The following MAOA variants were observed in gnomAD, a reference collection of about 807,000 sequenced individuals.
MAOA encodes the protein monoamine oxidase A, also known as amine oxidase [flavin-containing] A.
Under a neutral mutation model 42.0 loss-of-function variants are expected in MAOA, and 6 were observed. The observed-to-expected ratio is 0.14, with a 90% confidence interval of 0.08 to 0.28. MAOA has a LOEUF of 0.28. Among genes scored for constraint, MAOA ranks in the 10% least tolerant of loss-of-function variants. The pLI is 1.00. For missense variants in MAOA, 262 were observed against 422.3 expected, an observed-to-expected ratio of 0.62 and a Z score of 3.33; for synonymous variants, 140 against 154.0, an observed-to-expected ratio of 0.91 and a Z score of 0.67.
intron 3 of MAOA, among the ~76,000 whole-genome samples, chrX:43,700,907 A>G (rs939836058): frequency 1.8e-5 from 2 of 111,864 alleles, no homozygotes; most frequent in African/African-American, 6.5e-5. Context: ...AAACAAAACA[A>G]AACAAAAACA....
Position 43,736,287 on chromosome X carries a change from A to G in MAOA, c.1106+7A>G, listed in dbSNP as rs2033919704. 1 of 1,156,886 alleles carries G rather than the reference A, an allele frequency of 8.6e-7. No homozygotes were observed. Among genetic ancestry groups the G allele is most frequent in the Non-Finnish European group, 1.2e-6 (1 of 851,727 alleles). On this transcript the variant is annotated splice_region_variant and intron_variant, in intron 10 of 14. Coordinates refer to ENST00000338702, the MANE Select transcript of MAOA (RefSeq NM_000240.4). ...AGCTACATAAGGAAATAAGGTAAGAATTTATAACTGAAAAATAGATGAAAA... is the reference window on the plus strand; with the variant it reads ...AGCTACATAAGGAAATAAGGTAAGAGTTTATAACTGAAAAATAGATGAAAA...
At chrX:43,668,381 T>G (rs2033300529) in intron 1 of MAOA, among the ~76,000 whole-genome samples, 1 of 112,525 alleles carries the variant, frequency 8.9e-6, no homozygotes, top group Admixed American at 9.4e-5. Context: ...ATGAACTCTT[T>G]GTTGAATGTT....
At chrX:43,675,772 G>A (rs986898909) in intron 1 of MAOA, among the ~76,000 whole-genome samples, 3 of 111,977 alleles carry the variant, frequency 2.7e-5, no homozygotes, top group Non-Finnish European at 5.6e-5. Context: ...CGTGAACCAC[G>A]AATGCTGCTG....
chrX:43,700,024 C>T (rs1601937504), intron 3 of MAOA, among the ~76,000 whole-genome samples: 1 of 112,408 alleles, frequency 8.9e-6, no homozygotes, highest in Non-Finnish European at 1.9e-5. Context: ...CAGAAGGAAA[C>T]TCAAGAAGCG....
At chrX:43,702,726 A>G (rs752288800) in intron 3 of MAOA, among the ~76,000 whole-genome samples, 3 of 112,424 alleles carry the variant, frequency 2.7e-5, no homozygotes, top group African/African-American at 6.4e-5. Context: ...AAACTATTCT[A>G]TTACCTTTCA....
At chrX:43,720,004 C>T (rs756306163) in intron 5 of MAOA, among the ~76,000 whole-genome samples, 1 of 109,428 alleles carries the variant, frequency 9.1e-6, no homozygotes, top group Non-Finnish European at 1.9e-5. Context: ...GTAGATAGTT[C>T]TGTGTAGGGG....
At chrX:43,728,554 C>T (rs2033857078) in intron 6 of MAOA, among the ~76,000 whole-genome samples, 1 of 112,473 alleles carries the variant, frequency 8.9e-6, no homozygotes, top group South Asian at 3.7e-4. Flanking sequence ...AATTAAGTTC[C>T]TTCCTTTTGG....
At chrX:43,675,982 C>G (rs2033391613) in intron 1 of MAOA, among the ~76,000 whole-genome samples, 1 of 112,217 alleles carries the variant, frequency 8.9e-6, no homozygotes, top group Non-Finnish European at 1.9e-5. Flanking sequence ...AACTGTCAGA[C>G]AGGGACATTT....
chrX:43,708,514 C>T (rs192163228), intron 3 of MAOA, among the ~76,000 whole-genome samples: 4 of 111,292 alleles, frequency 3.6e-5, no homozygotes, highest in Admixed American at 1.9e-4. Context: ...AAGTGTTCCC[C>T]ACATATGTGC....
chrX:43,685,719 C>T (rs186467076), intron 2 of MAOA, among the ~76,000 whole-genome samples: 2 of 111,852 alleles, frequency 1.8e-5, no homozygotes, highest in East Asian at 5.6e-4. Flanking sequence ...GAATATCAGG[C>T]CCTATCTCAG....
At chrX:43,672,768 C>A (rs751591822) in intron 1 of MAOA, among the ~76,000 whole-genome samples, 1 of 111,314 alleles carries the variant, frequency 9.0e-6, no homozygotes, top group African/African-American at 3.3e-5. Context: ...GTATATTGAA[C>A]CAGCCTTGCA....
chrX:43,690,392 ATAT>A (rs1268833576), intron 2 of MAOA, among the ~76,000 whole-genome samples: 1 of 111,545 alleles, frequency 9.0e-6, no homozygotes, highest in Non-Finnish European at 1.9e-5. Context: ...CTACTTGATA[ATAT>A]TTTCAGTTTC....
At chrX:43,701,594 T>TTTCTAACCA (rs1397207537) in intron 3 of MAOA, among the ~76,000 whole-genome samples, 7 of 111,417 alleles carry the variant, frequency 6.3e-5, no homozygotes, top group Admixed American at 2.9e-4. Flanking sequence ...ACAGGAATTG[T>TTTCTAACCA]TTCTAACCAT....
rs1336259836 is a variant in MAOA at position 43,746,436 on chromosome X, A to G, written c.*1923A>G. 8.9e-6 allele frequency: 1 copy of G among 112,138 alleles called. No homozygotes were observed. Among genetic ancestry groups the G allele is most frequent in the Non-Finnish European group, 1.9e-5 (1 of 53,239 alleles). The allele number at this position is 112,138 out of a possible 1,213,427, so 9.2% of individuals were successfully genotyped here. A position where few individuals can be genotyped will look rare whatever the true frequency, so the allele number is the denominator to read the frequency against. ...CAAGTTCATCCAACGTGAAGATACC[A>G]TAAGCTTTTTCTCTGAACCAGAGAA... On this transcript the variant is annotated 3_prime_UTR_variant, in exon 15 of 15. Transcript: ENST00000338702.
At chrX:43,655,140 G>GGCACCAGTACCC (rs768062321), upstream of MAOA, 2 of 116,193 alleles carry the variant, frequency 1.7e-5, no homozygotes, top group East Asian at 5.5e-4. Context: ...TACCGGCACC[G>GGCACCAGTACCC]GCACCAGTAC....
chrX:43,657,306 A>G (rs932036030), intron 1 of MAOA, among the ~76,000 whole-genome samples: 2 of 102,627 alleles, frequency 1.9e-5, no homozygotes, highest in Admixed American at 1.1e-4. Flanking sequence ...GTGTGTGTGT[A>G]TATATATATA....
chrX:43,704,104 C>CA (rs2033642944), intron 3 of MAOA, among the ~76,000 whole-genome samples: 1 of 110,653 alleles, frequency 9.0e-6, no homozygotes, highest in Non-Finnish European at 1.9e-5. Flanking sequence ...TAAACTCTTC[C>CA]AAAAAAATAC....
At chrX:43,683,448 A>G (rs2033459547) in intron 1 of MAOA, 65 bp from the exon 2 acceptor site, 42 of 779,562 alleles carry the variant, frequency 5.4e-5, no homozygotes, top group Non-Finnish European at 7.9e-5. Context: ...TGATGTGTAG[A>G]CCTGGTTAAA....
At chrX:43,672,830 G>A (rs1731627029) in intron 1 of MAOA, among the ~76,000 whole-genome samples, 1 of 111,504 alleles carries the variant, frequency 9.0e-6, no homozygotes, top group South Asian at 3.8e-4. Context: ...TTGATGTGCT[G>A]CTGGATTCGG....
Sources: allele counts gnomAD v4.1 joint callset (sites outside exome capture counted in the v4.1 genomes callset), GRCh38; gene constraint gnomAD v4.1.1; transcripts MANE v1.5; gene names NCBI Gene and HGNC (gene_info 2026-07-23, HGNC 2026-07-21).